MGST1: variants seen among roughly 807,000 people sequenced by gnomAD.
MGST1 encodes glutathione S-transferase 12.
In MGST1, 5 loss-of-function variants were observed where a neutral mutation model predicts 8.9. The ratio of observed to expected loss-of-function variants is 0.56; its 90% CI spans 0.29 to 1.19. MGST1 has a LOEUF of 1.19. Ranked by LOEUF, MGST1 falls within the 50% of genes most tolerant of loss-of-function variation. The pLI is 0.08. For missense variants in MGST1, 182 were observed against 187.4 expected, an observed-to-expected ratio of 0.97 and a Z score of 0.17; for synonymous variants, 54 against 67.8, an observed-to-expected ratio of 0.80 and a Z score of 1.00.
At chr12:16,409,328 A>C (rs1038324382) in intron 1 of MGST1, among the ~76,000 whole-genome samples, 1 of 151,998 alleles carries the variant, frequency 6.6e-6, no homozygotes, top group East Asian at 1.9e-4. Flanking sequence ...ATCCACACAC[A>C]CACCTATATA....
At position 16,586,756 on chromosome 12, in the gene MGST1, C is replaced by T. The variant is rs1197128014; in HGVS notation, n.483-2772C>T. 6.6e-6 allele frequency among the ~76,000 whole-genome samples: 1 copy of T among 152,166 alleles called. No individual in the cohort carries two copies. The highest frequency in any genetic ancestry group is 2.4e-5 in the African/African-American group (1 of 41,436). On this transcript the variant is annotated intron_variant and non_coding_transcript_variant, in intron 4 of 4. Coordinates refer to the MGST1 transcript ENST00000538857. This position sits in a 1 kb window ranked among gnomAD's most constrained non-coding sequence, Gnocchi z 4.3. ...ATTTCTCTGGTACTTGAGCTAAGCTCCTGTGGCTCAGATTATTTATTGCAT... is the reference window on the plus strand; with the variant it reads ...ATTTCTCTGGTACTTGAGCTAAGCTTCTGTGGCTCAGATTATTTATTGCAT...
At chr12:16,387,627 C>T (rs979116451) in intron 1 of MGST1, among the ~76,000 whole-genome samples, 6 of 151,706 alleles carry the variant, frequency 4.0e-5, no homozygotes, top group South Asian at 2.1e-4. Context: ...CCCACGTTCA[C>T]GCCATTCTCC....
chr12:16,532,697 C>T (rs1446246402), intron 4 of MGST1, among the ~76,000 whole-genome samples: 6 of 152,116 alleles, frequency 3.9e-5, no homozygotes, highest in African/African-American at 1.4e-4. Flanking sequence ...TGGAATTCTG[C>T]AATTTCCAGA....
At chr12:16,380,272 G>A (rs187882946), downstream of MGST1, among the ~76,000 whole-genome samples, 657 of 151,966 alleles carry the variant, frequency 4.3e-3, 13 homozygotes, top group Non-Finnish European at 2.6e-3. Context: ...TTCTCTTGTG[G>A]GCATTTAGTG....
At chr12:16,506,854 G>T (rs115913318) in intron 4 of MGST1, among the ~76,000 whole-genome samples, 2 of 152,122 alleles carry the variant, frequency 1.3e-5, no homozygotes, top group South Asian at 4.1e-4. Context: ...AACAATTAAC[G>T]AATGAATTAA....
At chr12:16,357,366 C>A in intron 2 of MGST1, 1 of 378,734 alleles carries the variant, frequency 2.6e-6, no homozygotes, top group Admixed American at 4.6e-5. Flanking sequence ...CTCAGGTGAT[C>A]CTCCAACCTC....
At chr12:16,395,788 T>TACACACACACACACAC (rs1352434655) in intron 1 of MGST1, among the ~76,000 whole-genome samples, 2 of 121,548 alleles carry the variant, frequency 1.6e-5, no homozygotes, top group Non-Finnish European at 3.3e-5. Flanking sequence ...ATCATATATA[T>TACACACACACACACAC]ATATATATAT....
chr12:16,375,633 T>C (rs1314983653), intron 3 of MGST1, among the ~76,000 whole-genome samples: 1 of 151,902 alleles, frequency 6.6e-6, no homozygotes, highest in East Asian at 1.9e-4. Context: ...TCAGCATCAC[T>C]GAAAACTAGG....
intron 4 of MGST1, among the ~76,000 whole-genome samples, chr12:16,504,959 T>A: frequency 6.6e-6 from 1 of 152,238 alleles, no homozygotes; most frequent in Non-Finnish European, 1.5e-5. Context: ...TTACCAGTTG[T>A]TAAATTTAAT....
At chr12:16,501,560 T>A (rs1467753697) in intron 4 of MGST1, among the ~76,000 whole-genome samples, 3 of 152,192 alleles carry the variant, frequency 2.0e-5, no homozygotes, top group Non-Finnish European at 4.4e-5. Flanking sequence ...AATGAAGGCT[T>A]ATATTTGCTA....
At chr12:16,455,069 A>C (rs553499780) in intron 4 of MGST1, among the ~76,000 whole-genome samples, 1 of 151,838 alleles carries the variant, frequency 6.6e-6, no homozygotes, top group African/African-American at 2.4e-5. Context: ...ATTAACAAAT[A>C]TGTGTAAAAA....
At position 16,387,622 on chromosome 12, in the gene MGST1, G is replaced by A. The variant is rs186722354; in HGVS notation, n.778+4018G>A. On this transcript the variant is annotated intron_variant and non_coding_transcript_variant, in intron 1 of 1. Coordinates refer to the MGST1 transcript ENST00000359720. ...GCTCACTGCAAGCTCCGCCTCCCAC[G>A]TTCACGCCATTCTCCTGCCTCAGCC... 4.9e-3 allele frequency among the ~76,000 whole-genome samples: 749 copies of A among 151,530 alleles called. 10 individuals carry two copies. Among genetic ancestry groups the A allele is most frequent in the African/African-American group, 0.017 (716 of 41,286 alleles).
chr12:16,378,506 A>G (rs11056908), downstream of MGST1, among the ~76,000 whole-genome samples: 81,897 of 143,830 alleles, frequency 0.57, 22,639 homozygotes, highest in East Asian at 0.93. Flanking sequence ...ATTGGTCTAT[A>G]TTTCTGTTTT....
At chr12:16,417,688 G>T (rs947992185) in intron 1 of MGST1, among the ~76,000 whole-genome samples, 3 of 152,064 alleles carry the variant, frequency 2.0e-5, no homozygotes, top group Non-Finnish European at 2.9e-5. Flanking sequence ...AGTAAAGTAA[G>T]CAAATCAATA....
chr12:16,474,856 A>G (rs1390790423), intron 4 of MGST1, among the ~76,000 whole-genome samples: 1 of 152,208 alleles, frequency 6.6e-6, no homozygotes, highest in African/African-American at 2.4e-5. Context: ...TATTTTCTCC[A>G]TTCATTTTAC....
At chr12:16,493,490 A>C (rs1481574802) in intron 4 of MGST1, among the ~76,000 whole-genome samples, 2 of 152,164 alleles carry the variant, frequency 1.3e-5, no homozygotes, top group African/African-American at 4.8e-5. Flanking sequence ...GATGCATTAA[A>C]GGTTGGAAAA....
chr12:16,360,325 A>C (rs1173804881), intron 3 of MGST1: 2 of 984,944 alleles, frequency 2.0e-6, no homozygotes, highest in African/African-American at 3.5e-5. Context: ...TACGATTAGC[A>C]TATTTGAACG....
chr12:16,560,968 G>T lies in MGST1; in HGVS notation n.483-28560G>T, dbSNP rs1382157106. On this transcript the variant is annotated intron_variant and non_coding_transcript_variant, in intron 4 of 4. Coordinates refer to the MGST1 transcript ENST00000538857. This position sits in a 1 kb window ranked among gnomAD's most constrained non-coding sequence, Gnocchi z 5.0. ...CTTTTTGACATTTAGTTACTAAAAGGTTTGCCATTATTATTAAAAATACAT... is the reference window on the plus strand; with the variant it reads ...CTTTTTGACATTTAGTTACTAAAAGTTTTGCCATTATTATTAAAAATACAT... Among the ~76,000 whole-genome samples, 6 of 152,024 alleles carry T rather than the reference G, an allele frequency of 3.9e-5. No individual in the cohort carries two copies. The highest frequency in any genetic ancestry group is 1.2e-4 in the African/African-American group (5 of 41,402).
chr12:16,588,297 A>G (rs955792015), intron 4 of MGST1, among the ~76,000 whole-genome samples: 4 of 152,056 alleles, frequency 2.6e-5, no homozygotes, highest in African/African-American at 9.7e-5. Context: ...TTAAGAATAA[A>G]GATATATAAT....
Sources: allele counts gnomAD v4.1 joint callset (sites outside exome capture counted in the v4.1 genomes callset), GRCh38; gene constraint gnomAD v4.1.1; non-coding constraint Gnocchi (gnomAD v3.1); transcripts MANE v1.5; gene names NCBI Gene and HGNC (gene_info 2026-07-23, HGNC 2026-07-21).